Variants in NUP155 observed in about 807,000 individuals in gnomAD.
NUP155 encodes the protein nucleoporin 155.
In NUP155, 71 loss-of-function variants were observed where a neutral mutation model predicts 180.4. The observed-to-expected ratio is 0.39, with a 90% CI of 0.33 to 0.48. The LOEUF (loss-of-function observed/expected upper bound fraction) is 0.48. NUP155 is among the 20% of genes least tolerant of loss of function. The probability of loss-of-function intolerance (pLI) is 0.91; values close to 1 mark genes in which losing one functional copy is unlikely to be tolerated. For missense variants in NUP155, 1,553 were observed against 1,648.9 expected, an observed-to-expected ratio of 0.94 and a Z score of 1.01; for synonymous variants, 582 against 559.5, an observed-to-expected ratio of 1.04 and a Z score of -0.57.
intron 24 of NUP155, 37 bp downstream of exon 24, chr5:37,309,087 TTTGAG>T (rs1423320833): frequency 6.2e-7 from 1 of 1,602,398 alleles, no homozygotes; most frequent in African/African-American, 1.3e-5. Flanking sequence ...TTGTTTGTCT[TTTGAG>T]TTGAGTAAAA....
chr5:37,348,071 T>A (rs1351916536), intron 9 of NUP155, among the ~76,000 whole-genome samples: 1 of 152,020 alleles, frequency 6.6e-6, no homozygotes, highest in South Asian at 2.1e-4. Flanking sequence ...GAGGCAGAAG[T>A]TGCGGTGAGC....
In NUP155 at chr5:37,370,667, T is replaced by C. The variant is rs1450733687; in HGVS notation, c.157+154A>G. The C allele has an allele frequency of 2.4e-5, 39 of 1,596,538 alleles. No individual in the cohort carries two copies. In the East Asian group the frequency reaches 7.4e-4, roughly 30 times the overall value. On this transcript the variant is annotated intron_variant, in intron 1 of 34. Coordinates refer to ENST00000231498, the MANE Select transcript of NUP155 (RefSeq NM_153485.3). ...AAGAAAGTGAGGAAAGGAAAAAACC[T>C]GAAAAGAAGCTGCTTGCTGTTCTCC...
In NUP155 at chr5:37,299,564, T is replaced by A; in HGVS notation, c.3566A>T (p.Tyr1189Phe). 9 of 1,613,986 alleles carry A rather than the reference T, an allele frequency of 5.6e-6. No homozygotes were observed. Among genetic ancestry groups the A allele is most frequent in the South Asian group, 1.1e-5 (1 of 91,086 alleles). ...DSELMDITKL[Y>F]GEFADPFKLA... ...TTTAAATGGGTCAGCAAATTCCCCATAAAGCTGTGAGAGAAAATCCCAAAA... is the reference window on the plus strand; with the variant it reads ...TTTAAATGGGTCAGCAAATTCCCCAAAAAGCTGTGAGAGAAAATCCCAAAA... The change falls in exon 31 of 35, where the codon TAT (tyrosine) becomes TTT (phenylalanine). Residue 1189 changes from tyrosine to phenylalanine, a missense_variant. By Grantham distance (22) the Tyr-to-Phe change is conservative (BLOSUM62 3). Transcript: ENST00000231498.
rs1021002313 is a variant in NUP155 at position 37,332,313 on chromosome 5, C to CTTT, written c.1519-521_1519-519dup. ...GCAATTGAGGTTTCTGCCATTACAG[C>CTTT]TTTTTTTTTTTTTTTTTTTTTTTTT... On this transcript the variant is annotated intron_variant, in intron 13 of 34. Coordinates refer to ENST00000231498, the MANE Select transcript of NUP155 (RefSeq NM_153485.3). Among the ~76,000 whole-genome samples, 190 of 87,700 alleles carry CTTT rather than the reference C, an allele frequency of 2.2e-3. 20 individuals are homozygous for CTTT. The highest frequency in any genetic ancestry group is 9.1e-3 in the African/African-American group (162 of 17,716). 57.5% of individuals were successfully genotyped at this position (87,700 alleles called of 152,430 possible).
intron 24 of NUP155, 149 bp downstream of exon 24, chr5:37,308,980 C>T (rs1011363846): frequency 5.7e-6 from 4 of 701,358 alleles, no homozygotes; most frequent in Admixed American, 4.6e-5. Context: ...ACAATGATAC[C>T]ACATTCCTAC....
At chr5:37,314,004 A>G (rs972196377) in intron 22 of NUP155, among the ~76,000 whole-genome samples, 194 bp downstream of exon 22, 5 of 152,206 alleles carry the variant, frequency 3.3e-5, no homozygotes, top group Admixed American at 1.3e-4. Context: ...CATACCCACA[A>G]GTAAAAACTT....
chr5:37,351,871 AGTGTGT>A (rs141685160), intron 5 of NUP155, among the ~76,000 whole-genome samples: 77 of 148,626 alleles, frequency 5.2e-4, no homozygotes, highest in African/African-American at 1.8e-3. Flanking sequence ...AGAGTGTGTG[AGTGTGT>A]GTGTGTGTGT....
At position 37,314,246 on chromosome 5, in the gene NUP155, T is replaced by G; in HGVS notation, c.2388A>C (p.Lys796Asn). ...TAGTGAATTGATGTTCACAAAGAAG[T>G]TTCCATAAAGCCAGAGCCTGATATG... ...RKSYQALALW[K>N]LLCEHQFTII... Residue 796 changes from lysine (K) to asparagine (N), a missense_variant, in exon 22 of 35, where the codon AAA becomes AAC. Physicochemically the swap from Lys to Asn is moderately conservative, Grantham distance 94. Transcript: ENST00000231498. The G allele has an allele frequency of 6.2e-7, 1 of 1,610,832 alleles. No individual in the cohort carries two copies. Among genetic ancestry groups the G allele is most frequent in the Non-Finnish European group, 8.5e-7 (1 of 1,177,546 alleles).
chr5:37,313,280 A>T (rs888326872), intron 22 of NUP155, among the ~76,000 whole-genome samples: 1 of 151,978 alleles, frequency 6.6e-6, no homozygotes, highest in Non-Finnish European at 1.5e-5. Context: ...AAATACAAAA[A>T]ATTAGCTGGG....
chr5:37,370,728 A>T, intron 1 of NUP155, 93 bp downstream of exon 1: 3 of 1,612,304 alleles, frequency 1.9e-6, no homozygotes, highest in Non-Finnish European at 2.5e-6. Context: ...ATCTCAGCAT[A>T]TCCTCGCCGG....
At chr5:37,333,697 TAC>T (rs1371797002) in intron 12 of NUP155, 64 bp from the exon 13 acceptor site, 6 of 1,176,784 alleles carry the variant, frequency 5.1e-6, no homozygotes, top group African/African-American at 4.7e-5. Flanking sequence ...AAGAAAAAAC[TAC>T]AGACTTAATA....
At chr5:37,368,883 G>A (rs1747778700) in intron 1 of NUP155, among the ~76,000 whole-genome samples, 1 of 152,138 alleles carries the variant, frequency 6.6e-6, no homozygotes, top group Non-Finnish European at 1.5e-5. Context: ...TAGGCCGAAG[G>A]TGGCAGATCA....
intron 1 of NUP155, among the ~76,000 whole-genome samples, chr5:37,364,692 A>T (rs1176749939): frequency 2.0e-5 from 3 of 151,210 alleles, no homozygotes; most frequent in Non-Finnish European, 4.4e-5. Context: ...GCTGGAGTGC[A>T]GTGGCACAAT....
intron 24 of NUP155, among the ~76,000 whole-genome samples, chr5:37,307,959 A>G (rs1334441122): frequency 6.7e-6 from 1 of 148,246 alleles, no homozygotes; most frequent in African/African-American, 2.4e-5. Flanking sequence ...AAAAATATAT[A>G]TATATATATA....
Position 37,350,151 on chromosome 5 carries a change from T to G in NUP155, c.829+9A>C, listed in dbSNP as rs778641773. 1 of 1,597,296 alleles carries G rather than the reference T, an allele frequency of 6.3e-7. No homozygotes were observed. Among genetic ancestry groups the G allele is most frequent in the Non-Finnish European group, 8.6e-7 (1 of 1,164,744 alleles). ...GTTGTACTTGCCAAATTTATTGTTT[T>G]CTACTTACCATCTTCTGAGAACGTG... On this transcript the variant is annotated intron_variant, in intron 7 of 34. Transcript: ENST00000231498.
At position 37,305,141 on chromosome 5, in the gene NUP155, C is replaced by T; in HGVS notation, c.2973G>A (p.Gln991=). The T allele has an allele frequency of 6.2e-7, 1 of 1,613,916 alleles. No individual in the cohort carries two copies. Among genetic ancestry groups the T allele is most frequent in the Non-Finnish European group, 8.5e-7 (1 of 1,179,924 alleles). The change falls in exon 26 of 35, where the codon CAG becomes CAA. Residue 991 remains glutamine, a synonymous_variant. Coordinates refer to ENST00000231498, the MANE Select transcript of NUP155 (RefSeq NM_153485.3). ...CAGGTTTTTTGGGTACACTGGGAGA[C>T]TGAGGAGCGGCCTTACTTTGATTTA... ...ELVNQSKAAP[Q]SPSVPKKPGP...
chr5:37,335,353 C>T (rs1433142768), intron 12 of NUP155, among the ~76,000 whole-genome samples: 1 of 145,756 alleles, frequency 6.9e-6, no homozygotes, highest in African/African-American at 2.6e-5. Flanking sequence ...CACTCCACTC[C>T]AGGCAACAGA....
At chr5:37,365,251 T>G (rs1747479883) in intron 1 of NUP155, among the ~76,000 whole-genome samples, 2 of 141,794 alleles carry the variant, frequency 1.4e-5, no homozygotes. Flanking sequence ...AGGGCAAGAC[T>G]CTGTCTCAAA....
intron 12 of NUP155, among the ~76,000 whole-genome samples, chr5:37,334,353 T>C (rs575894513): frequency 1.1e-4 from 17 of 152,032 alleles, no homozygotes; most frequent in African/African-American, 4.1e-4. Context: ...TCTGCCCATC[T>C]TGGCCTCTCA....
Sources: allele counts gnomAD v4.1 joint callset (sites outside exome capture counted in the v4.1 genomes callset), GRCh38; gene constraint gnomAD v4.1.1; transcripts MANE v1.5; gene names NCBI Gene and HGNC (gene_info 2026-07-23, HGNC 2026-07-21).